Variants in DEPTOR observed in about 807,000 individuals in gnomAD.
DEPTOR encodes DEP domain containing MTOR interacting protein, also known as DEP domain-containing mTOR-interacting protein.
In DEPTOR, 41 loss-of-function variants were observed where a neutral mutation model predicts 41.6. The observed-to-expected ratio is 0.98, with a 90% CI of 0.77 to 1.28. The LOEUF (loss-of-function observed/expected upper bound fraction) is 1.28. Ranked by LOEUF, DEPTOR falls within the 50% of genes most tolerant of loss-of-function variation. The pLI is 0.00. For missense variants in DEPTOR, 514 were observed against 527.9 expected, an observed-to-expected ratio of 0.97 and a Z score of 0.26; for synonymous variants, 195 against 192.3, an observed-to-expected ratio of 1.01 and a Z score of -0.12.
intron 1 of DEPTOR, among the ~76,000 whole-genome samples, chr8:119,894,187 G>T (rs2129725364): frequency 6.6e-6 from 1 of 152,030 alleles, no homozygotes; most frequent in South Asian, 2.1e-4. Flanking sequence ...TTCCACCTTA[G>T]CTTACCCTTG....
chr8:120,047,901 C>T (rs1813176169), intron 8 of DEPTOR, among the ~76,000 whole-genome samples: 1 of 151,890 alleles, frequency 6.6e-6, no homozygotes, highest in African/African-American at 2.4e-5. Context: ...AAAAAATTAG[C>T]TGGGCATGGT....
At chr8:120,015,909 C>T (rs1812603981) in intron 8 of DEPTOR, among the ~76,000 whole-genome samples, 1 of 152,178 alleles carries the variant, frequency 6.6e-6, no homozygotes. Flanking sequence ...TGATGTTCTA[C>T]ACACTCTGGG....
intron 3 of DEPTOR, among the ~76,000 whole-genome samples, chr8:119,948,539 TA>T (rs1443889888): frequency 6.6e-6 from 1 of 152,132 alleles, no homozygotes; most frequent in African/African-American, 2.4e-5. Flanking sequence ...ATAATTCACA[TA>T]CCATACAATT....
intron 3 of DEPTOR, among the ~76,000 whole-genome samples, chr8:119,931,875 G>A (rs988026327): frequency 1.3e-5 from 2 of 151,748 alleles, no homozygotes; most frequent in Admixed American, 6.6e-5. Context: ...ATGATTCTAT[G>A]TTGGCCAAAA....
At chr8:120,029,343 G>T (rs1187232476) in intron 8 of DEPTOR, among the ~76,000 whole-genome samples, 1 of 152,062 alleles carries the variant, frequency 6.6e-6, no homozygotes, top group Non-Finnish European at 1.5e-5. Flanking sequence ...TTCAAGGAGG[G>T]CAATATCTTA....
chr8:120,049,422 C>T (rs1813198116), intron 8 of DEPTOR, among the ~76,000 whole-genome samples, 154 bp from the exon 9 acceptor site: 1 of 151,356 alleles, frequency 6.6e-6, no homozygotes, highest in Non-Finnish European at 1.5e-5. Context: ...AAATGTGTAG[C>T]TCCTTGGAAA....
At chr8:119,895,611 G>A (rs1231746837) in intron 1 of DEPTOR, among the ~76,000 whole-genome samples, 6 of 152,130 alleles carry the variant, frequency 3.9e-5, no homozygotes, top group Admixed American at 3.9e-4. Context: ...AGAGCCTTGG[G>A]GGCTTGATTG....
At chr8:119,900,286 C>A (rs1206178922) in intron 1 of DEPTOR, among the ~76,000 whole-genome samples, 2 of 138,610 alleles carry the variant, frequency 1.4e-5, no homozygotes, top group Admixed American at 7.5e-5. Context: ...TGCCATTGCA[C>A]TCCATCCAGC....
intron 1 of DEPTOR, among the ~76,000 whole-genome samples, chr8:119,927,334 A>G (rs1827975990): frequency 6.6e-6 from 1 of 152,030 alleles, no homozygotes; most frequent in Admixed American, 6.6e-5. Context: ...TAAACTCACT[A>G]AAGCACAGGG....
chr8:119,970,157 G>A (rs1444876321), intron 4 of DEPTOR, among the ~76,000 whole-genome samples: 1 of 152,154 alleles, frequency 6.6e-6, no homozygotes, highest in African/African-American at 2.4e-5. Flanking sequence ...ATGTCTGTAT[G>A]TTGACCACAT....
chr8:119,929,664 A>G (rs756627892), intron 2 of DEPTOR, 151 bp from the exon 3 acceptor site: 11 of 1,036,012 alleles, frequency 1.1e-5, no homozygotes, highest in African/African-American at 1.6e-5. Flanking sequence ...CTATGTAACT[A>G]TTTTACAAGT....
intron 1 of DEPTOR, among the ~76,000 whole-genome samples, chr8:119,913,498 C>T (rs1827770762): frequency 6.6e-6 from 1 of 152,132 alleles, no homozygotes; most frequent in African/African-American, 2.4e-5. Flanking sequence ...GTCTATAGCC[C>T]ACAAAGTAAG....
intron 3 of DEPTOR, among the ~76,000 whole-genome samples, chr8:119,951,209 T>G (rs58059572): frequency 6.4e-4 from 97 of 152,320 alleles, no homozygotes; most frequent in African/African-American, 2.2e-3. Context: ...TCTTCTATTT[T>G]CTAATAATTA....
chr8:119,967,581 C>T (rs1022331496), intron 4 of DEPTOR, among the ~76,000 whole-genome samples: 2 of 151,102 alleles, frequency 1.3e-5, no homozygotes, highest in East Asian at 4.0e-4. Flanking sequence ...GGTGAAACCC[C>T]ATCTCTACTA....
chr8:120,012,786 C>T (rs963152433), intron 8 of DEPTOR, among the ~76,000 whole-genome samples: 4 of 152,072 alleles, frequency 2.6e-5, no homozygotes, highest in South Asian at 2.1e-4. Flanking sequence ...CCGCCTGCCT[C>T]GGCCTCCCAA....
intron 4 of DEPTOR, among the ~76,000 whole-genome samples, chr8:119,991,102 TTCTTTCTTTCTTTCTTTTTTTTTTAAATC>T (rs1812165850): frequency 1.0e-5 from 1 of 98,606 alleles, no homozygotes; most frequent in African/African-American, 3.8e-5. Flanking sequence ...CTTTCTTTCT[TTCTTTCTTTCTTTCTTTTTTTTTTAAATC>T]TTTTATTCTT....
At chr8:119,932,647 C>T (rs895059441) in intron 3 of DEPTOR, among the ~76,000 whole-genome samples, 4 of 152,266 alleles carry the variant, frequency 2.6e-5, no homozygotes, top group Middle Eastern at 3.4e-3. Context: ...GTAGCAAAGC[C>T]CCTGCCTTCA....
intron 1 of DEPTOR, among the ~76,000 whole-genome samples, chr8:119,916,163 G>A (rs1341226735): frequency 1.3e-5 from 2 of 151,916 alleles, no homozygotes; most frequent in Non-Finnish European, 2.9e-5. Flanking sequence ...GCAGTGGCGC[G>A]ATCTCAGCTC....
intron 1 of DEPTOR, among the ~76,000 whole-genome samples, chr8:119,884,840 G>T (rs1477590210): frequency 6.6e-6 from 1 of 151,744 alleles, no homozygotes; most frequent in East Asian, 1.9e-4. Flanking sequence ...CGCTTCCAGG[G>T]TTCAAGCTCA....
Sources: allele counts gnomAD v4.1 joint callset (sites outside exome capture counted in the v4.1 genomes callset), GRCh38; gene constraint gnomAD v4.1.1; transcripts MANE v1.5; gene names NCBI Gene and HGNC (gene_info 2026-07-23, HGNC 2026-07-21).